ENTPD7: variants seen among roughly 807,000 people sequenced by gnomAD.
The protein encoded by ENTPD7 is NTPDase 7.
In ENTPD7, 53 loss-of-function variants were observed where a neutral mutation model predicts 77.9. The ratio of observed to expected loss-of-function variants is 0.68; its 90% confidence interval spans 0.55 to 0.85. ENTPD7 has a LOEUF of 0.85. Among genes scored for constraint, ENTPD7 ranks in the 40% least tolerant of loss-of-function variants. ENTPD7 has a pLI of 0.00. For missense variants in ENTPD7, 636 were observed against 743.7 expected (o/e 0.86, Z 1.68); for synonymous variants, 248 against 274.9 (o/e 0.90, Z 0.97).
Position 99,659,612 on chromosome 10 carries a change from G to C in ENTPD7, c.-96+24G>C. 4.6e-6 allele frequency: 1 copy of C among 218,722 alleles called. No homozygotes were observed. The highest frequency in any genetic ancestry group is 9.2e-5 in the South Asian group (1 of 10,850). 13.5% of individuals were successfully genotyped at this position (218,722 alleles called of 1,614,324 possible). The stretch of plus-strand genomic sequence containing the variant: ...CCGTGAGTGTGGGCGCGAGAGGGCT[G>C]TGGGACCCGGAGGGACGGGGAGAGG... On this transcript the variant is annotated intron_variant, in intron 1 of 12. Transcript: ENST00000370489. The surrounding 1 kb of genome is among the most constrained non-coding windows in gnomAD (Gnocchi z 4.1).
chr10:99,700,339 C>T (rs983032937), intron 10 of ENTPD7, among the ~76,000 whole-genome samples: 6 of 151,974 alleles, frequency 3.9e-5, no homozygotes, highest in Non-Finnish European at 8.8e-5. Flanking sequence ...CCCATATTAC[C>T]TGTTGCCCTT....
At position 99,704,488 on chromosome 10, in the gene ENTPD7, T is replaced by G; in HGVS notation, c.1620T>G (p.Gly540=). Residue 540 remains glycine (G), a synonymous_variant, in exon 13 of 13, where the codon GGT becomes GGG. Transcript: ENST00000370489. ...AGGAAGGTGTCCGACAAGCCCATGG[T>G]AGCTGGTTCCGTCTCTCCTTTGTAT... ...LRQEGVRQAH[G]SWFRLSFVYN... The G allele has an allele frequency of 6.2e-7, 1 of 1,614,244 alleles. No individual in the cohort carries two copies. The highest frequency in any genetic ancestry group is 8.5e-7 in the Non-Finnish European group (1 of 1,180,036).
chr10:99,668,473 G>A (rs1162151413), intron 3 of ENTPD7, among the ~76,000 whole-genome samples: 1 of 152,094 alleles, frequency 6.6e-6, no homozygotes, highest in African/African-American at 2.4e-5. Context: ...GTAATCTTGG[G>A]CAGGTTTCTT....
intron 3 of ENTPD7, among the ~76,000 whole-genome samples, chr10:99,678,094 TTGG>T (rs2133457242): frequency 6.6e-6 from 1 of 152,272 alleles, no homozygotes; most frequent in Non-Finnish European, 1.5e-5. Flanking sequence ...TTTTTTAAAC[TTGG>T]TGGTAGGTAC....
intron 2 of ENTPD7, 26 bp from the exon 3 acceptor site, chr10:99,661,420 A>C: frequency 6.4e-7 from 1 of 1,572,430 alleles, no homozygotes; most frequent in Middle Eastern, 1.7e-4. Context: ...AATGTTTCAG[A>C]CTTACTAATG....
Position 99,698,738 on chromosome 10 carries a change from A to G in ENTPD7, c.1215A>G (p.Gln405=), listed in dbSNP as rs375158055. Residue 405 remains glutamine, a synonymous_variant, in exon 10 of 13, where the codon CAA becomes CAG. Coordinates refer to ENST00000370489, the MANE Select transcript of ENTPD7 (RefSeq NM_020354.5). ...AGGCCTCACTCAATGGCATATATCA[A>G]TCGCCTATTGACTTCAACAACAGCG... The part of the protein sequence containing the change: ...TSQASLNGIY[Q]SPIDFNNSEF... 18 of 1,614,102 alleles carry G rather than the reference A, an allele frequency of 1.1e-5. No individual in the cohort carries two copies. The highest frequency in any genetic ancestry group is 1.1e-4 in the East Asian group (5 of 44,898).
rs772921610 is a variant in ENTPD7, at chr10:99,679,755, A to G, written c.428A>G (p.His143Arg). 2 of 1,613,960 alleles carry G rather than the reference A, an allele frequency of 1.2e-6. No homozygotes were observed. The highest frequency in any genetic ancestry group is 1.1e-5 in the South Asian group (1 of 91,020). The change falls in exon 5 of 13, where the codon CAT (histidine) becomes CGT (arginine). Residue 143 changes from histidine (H) to arginine (R), a missense_variant. Physicochemically the swap from His to Arg is conservative, Grantham distance 29 (BLOSUM62 0). Coordinates refer to ENST00000370489, the MANE Select transcript of ENTPD7 (RefSeq NM_020354.5). ...GISAMADTPE[H>R]ASDYLRPLLS... ...TCTGCAATGGCAGACACTCCAGAAC[A>G]TGCCAGTGATTACCTTCGTCCTCTG...
chr10:99,702,743 C>CT, intron 12 of ENTPD7, 70 bp downstream of exon 12: 1 of 1,397,780 alleles, frequency 7.2e-7, no homozygotes, highest in South Asian at 1.6e-5. Flanking sequence ...GAATCGGTTT[C>CT]TTTCTTTTTT....
intron 3 of ENTPD7, among the ~76,000 whole-genome samples, chr10:99,667,828 A>G (rs756805304): frequency 6.6e-6 from 1 of 152,164 alleles, no homozygotes; most frequent in Non-Finnish European, 1.5e-5. Flanking sequence ...CAATAACTCA[A>G]AATTTCTACA....
intron 7 of ENTPD7, among the ~76,000 whole-genome samples, chr10:99,688,985 C>T (rs972084042): frequency 6.6e-6 from 1 of 152,094 alleles, no homozygotes; most frequent in African/African-American, 2.4e-5. Flanking sequence ...ACCCATTACC[C>T]AGGCTCAATA....
rs1268591992 is a variant in ENTPD7 at position 99,710,818 on chromosome 10, G to A, written c.*6135G>A. 13 of 985,376 alleles carry A rather than the reference G, an allele frequency of 1.3e-5. No individual in the cohort carries two copies. The highest frequency in any genetic ancestry group is 1.6e-5 in the Non-Finnish European group (13 of 829,916). The allele number at this position is 985,376 out of a possible 1,614,324, so 61.0% of individuals were successfully genotyped here. A position where few individuals can be genotyped will look rare whatever the true frequency, so the allele number is the denominator to read the frequency against. ...GCTAGTCATTACCCCTGCTACAATA[G>A]ATAGTATTTGTCAGTCTAAGTTACA... On this transcript the variant is annotated 3_prime_UTR_variant, in exon 13 of 13. Transcript: ENST00000370489.
At chr10:99,679,648 T>C in intron 4 of ENTPD7, 77 bp from the exon 5 acceptor site, 1 of 1,521,098 alleles carries the variant, frequency 6.6e-7, no homozygotes, top group Non-Finnish European at 8.8e-7. Flanking sequence ...GAGAACTTTA[T>C]AGGGTATCAG....
At chr10:99,676,960 G>A (rs1285217454) in intron 3 of ENTPD7, among the ~76,000 whole-genome samples, 2 of 152,062 alleles carry the variant, frequency 1.3e-5, no homozygotes, top group Non-Finnish European at 2.9e-5. Context: ...TTGTAATATA[G>A]GAAAGGTACT....
At chr10:99,704,371 A>G (rs2133529507) in intron 12 of ENTPD7, 81 bp from the exon 13 acceptor site, 1 of 1,341,060 alleles carries the variant, frequency 7.5e-7, no homozygotes, top group Non-Finnish European at 1.1e-6. Flanking sequence ...TGATAACACT[A>G]CTGGGCCTTT....
Position 99,691,493 on chromosome 10 carries a change from C to T in ENTPD7, c.818C>T (p.Ser273Leu). ...SLQIAYEVPT[S>L]TSVLPAKQEE... ...CAAATTGCTTATGAAGTTCCTACCT[C>T]AACCTCTGTCCTTCCTGCAAAGCAG... Residue 273 changes from serine (S) to leucine (L), a missense_variant, in exon 8 of 13, where the codon TCA (serine) becomes TTA (leucine). Ser to Leu is a moderately radical substitution (Grantham distance 145). This residue lies in a region of ENTPD7 where 486 missense variants were observed against 556.5 expected (regional missense o/e 0.87). Coordinates refer to ENST00000370489, the MANE Select transcript of ENTPD7 (RefSeq NM_020354.5). 6.2e-7 allele frequency: 1 copy of T among 1,614,018 alleles called. No individual in the cohort carries two copies. Among genetic ancestry groups the T allele is most frequent in the Non-Finnish European group, 8.5e-7 (1 of 1,179,974 alleles).
chr10:99,693,018 G>A (rs1464400761), intron 8 of ENTPD7, among the ~76,000 whole-genome samples: 1 of 152,080 alleles, frequency 6.6e-6, no homozygotes. Flanking sequence ...TGAAAGGGAG[G>A]GGACAGATTT....
chr10:99,710,122 C>A lies in ENTPD7; in HGVS notation c.*5439C>A, dbSNP rs1161198190. 1.0e-6 allele frequency: 1 copy of A among 985,392 alleles called. No homozygotes were observed. Among genetic ancestry groups the A allele is most frequent in the East Asian group, 1.1e-4 (1 of 8,808 alleles). The allele number at this position is 985,392 out of a possible 1,614,324, so 61.0% of individuals were successfully genotyped here. On this transcript the variant is annotated 3_prime_UTR_variant, in exon 13 of 13. Coordinates refer to ENST00000370489, the MANE Select transcript of ENTPD7 (RefSeq NM_020354.5). ...CTTTTAAAGGGCAACCACTTGTATA[C>A]CCTCTGGTGGCCACTCCTCCTTCTC...
intron 8 of ENTPD7, among the ~76,000 whole-genome samples, chr10:99,693,601 T>A (rs1176959593): frequency 6.6e-6 from 1 of 152,140 alleles, no homozygotes; most frequent in Non-Finnish European, 1.5e-5. Context: ...ACGGAATGCA[T>A]ACTTGCAAGC....
chr10:99,695,702 C>T (rs752659792), intron 8 of ENTPD7, among the ~76,000 whole-genome samples: 5 of 152,068 alleles, frequency 3.3e-5, no homozygotes, highest in Admixed American at 6.5e-5. Flanking sequence ...AATTCTACCT[C>T]CTATATAACT....
Sources: gnomAD v4.1 joint callset for allele counts (sites outside exome capture counted in the v4.1 genomes callset) on GRCh38, gnomAD v4.1.1 for gene constraint, gnomAD v4.1.1 regional missense constraint, Gnocchi (gnomAD v3.1) non-coding constraint, MANE v1.5 for transcripts, NCBI Gene and HGNC (gene_info 2026-07-23, HGNC 2026-07-21) for gene names.